PARP12: variants seen among roughly 807,000 people sequenced by gnomAD.
PARP12 encodes poly(ADP-ribose) polymerase family member 12.
Under a neutral mutation model 72.4 loss-of-function variants are expected in PARP12, and 59 were observed. That is an observed-to-expected ratio of 0.81 (90% confidence interval 0.66 to 1.01). PARP12 has a LOEUF of 1.01. Among genes scored for constraint, PARP12 ranks in the 50% least tolerant of loss-of-function variants. The probability of loss-of-function intolerance (pLI) is 0.00; values close to 1 mark genes in which losing one functional copy is unlikely to be tolerated. For synonymous variants in PARP12, 403 were observed against 371.4 expected, an observed-to-expected ratio of 1.09 and a Z score of -0.98; for missense variants, 851 against 914.0, an observed-to-expected ratio of 0.93 and a Z score of 0.89.
intron 9 of PARP12, among the ~76,000 whole-genome samples, chr7:140,027,819 G>A (rs1030650741): frequency 6.6e-6 from 1 of 152,086 alleles, no homozygotes; most frequent in South Asian, 2.1e-4. Context: ...AGCCACCATC[G>A]AGGGTATCCC....
chr7:140,047,128 A>C, intron 4 of PARP12, 121 bp from the exon 5 acceptor site: 1 of 1,208,258 alleles, frequency 8.3e-7, no homozygotes, highest in Non-Finnish European at 1.1e-6. Flanking sequence ...TGTGTGGTGG[A>C]GTCTGTTTTT....
intron 5 of PARP12, among the ~76,000 whole-genome samples, chr7:140,044,973 T>G (rs917115932): frequency 6.6e-6 from 1 of 152,052 alleles, no homozygotes; most frequent in Admixed American, 6.6e-5. Flanking sequence ...CAATACGAAT[T>G]TCTAACCTCT....
chr7:140,031,541 C>A (rs1197936120), intron 8 of PARP12, among the ~76,000 whole-genome samples: 2 of 152,200 alleles, frequency 1.3e-5, no homozygotes, highest in African/African-American at 2.4e-5. Context: ...CAGGCCCAGG[C>A]AGACTTGCTT....
intron 7 of PARP12, 25 bp downstream of exon 7, chr7:140,037,681 AGGCTCTGCT>A: frequency 6.2e-7 from 1 of 1,608,366 alleles, no homozygotes; most frequent in Non-Finnish European, 8.5e-7. Flanking sequence ...CAACACAGGC[AGGCTCTGCT>A]GGGCGAGGGC....
At chr7:140,027,024 A>C (rs765329232) in intron 10 of PARP12, among the ~76,000 whole-genome samples, 9 of 152,172 alleles carry the variant, frequency 5.9e-5, no homozygotes, top group Non-Finnish European at 1.0e-4. Context: ...TGAGAGTGCT[A>C]GCTTTGCCAC....
chr7:140,052,140 T>A (rs1816990021), intron 4 of PARP12, among the ~76,000 whole-genome samples: 2 of 152,352 alleles, frequency 1.3e-5, no homozygotes, highest in Admixed American at 6.5e-5. Flanking sequence ...TACCACTTGT[T>A]TAAAATTTCC....
At chr7:140,053,169 A>G (rs931671372) in intron 4 of PARP12, among the ~76,000 whole-genome samples, 1 of 152,230 alleles carries the variant, frequency 6.6e-6, no homozygotes, top group Non-Finnish European at 1.5e-5. Flanking sequence ...TGTATTTGTA[A>G]AAGCCAAAAA....
intron 4 of PARP12, among the ~76,000 whole-genome samples, chr7:140,052,897 C>T (rs1346406781): frequency 6.6e-6 from 1 of 152,014 alleles, no homozygotes; most frequent in East Asian, 1.9e-4. Flanking sequence ...CAAATTAAAA[C>T]CACGAGACAT....
chr7:140,054,079 TTCAG>T (rs1194473686), intron 4 of PARP12, among the ~76,000 whole-genome samples: 1 of 152,174 alleles, frequency 6.6e-6, no homozygotes, highest in African/African-American at 2.4e-5. Context: ...CAAACCTTTC[TTCAG>T]TCAAAGCCCA....
At chr7:140,029,897 G>C (rs1378563226) in intron 8 of PARP12, among the ~76,000 whole-genome samples, 1 of 152,192 alleles carries the variant, frequency 6.6e-6, no homozygotes, top group Non-Finnish European at 1.5e-5. Context: ...GAAAGAAGTT[G>C]AGACATGGAG....
intron 3 of PARP12, 148 bp downstream of exon 3, chr7:140,056,707 GA>G (rs1327097060): frequency 2.5e-6 from 2 of 788,474 alleles, no homozygotes; most frequent in African/African-American, 3.5e-5. Flanking sequence ...GCCTTGTTAG[GA>G]AAGCATCATC....
rs1816484433 is a variant in PARP12 at position 140,041,788 on chromosome 7, A to G, written c.1038T>C (p.Phe346=). The G allele has an allele frequency of 1.5e-5, 24 of 1,614,032 alleles. No individual in the cohort carries two copies. Among genetic ancestry groups the G allele is most frequent in the Non-Finnish European group, 1.9e-5 (23 of 1,180,008 alleles). Residue 346 remains phenylalanine, a synonymous_variant, in exon 6 of 12, where the codon TTT becomes TTC. Coordinates refer to ENST00000263549, the MANE Select transcript of PARP12 (RefSeq NM_022750.4). ...GGGTAGCACCGTAAGTCATGGCGTT[A>G]AAGTTCAGACAATGAGAGTGAAAGG... is the stretch of plus-strand genomic sequence containing the variant. ...ASTFHSHCLN[F]NAMTYGATQA...
At chr7:140,036,863 C>G (rs928018623) in intron 7 of PARP12, among the ~76,000 whole-genome samples, 2 of 152,112 alleles carry the variant, frequency 1.3e-5, no homozygotes, top group African/African-American at 2.4e-5. Context: ...CTTGGAGGAA[C>G]TGGCCAAAGG....
In PARP12 at chr7:140,026,266, C is replaced by G. The variant is rs757936104; in HGVS notation, c.1711G>C (p.Val571Leu). 1.2e-6 allele frequency: 2 copies of G among 1,614,012 alleles called. No individual in the cohort carries two copies. Among genetic ancestry groups the G allele is most frequent in the South Asian group, 1.1e-5 (1 of 91,090 alleles). ...AAGTTCTGCTGGCAGATGGCGTCCA[C>G]AAAAATGGCGCTGGTGCCGTGGAAC... is the stretch of plus-strand genomic sequence containing the variant. ...QLFHGTSAIF[V>L]DAICQQNFDW... The change falls in exon 11 of 12, where the codon GTG (valine) becomes CTG (leucine). Residue 571 changes from valine to leucine, a missense_variant. Physicochemically the swap from Val to Leu is conservative, Grantham distance 32 (BLOSUM62 1). Around this residue, in one of 3 missense-constraint regions of PARP12, gnomAD observed 347 missense variants for 396.1 expected, o/e 0.88. Transcript: ENST00000263549.
At chr7:140,052,361 T>C (rs1391821150) in intron 4 of PARP12, among the ~76,000 whole-genome samples, 8 of 152,260 alleles carry the variant, frequency 5.3e-5, no homozygotes, top group African/African-American at 1.9e-4. Context: ...TTCTCACAAA[T>C]TGATGTGCAT....
At chr7:140,058,383 C>T (rs1490855532) in intron 1 of PARP12, among the ~76,000 whole-genome samples, 1 of 151,778 alleles carries the variant, frequency 6.6e-6, no homozygotes, top group East Asian at 1.9e-4. Flanking sequence ...TGGTGGTGAG[C>T]GCATGTAGTC....
chr7:140,024,648 T>C lies in PARP12; in HGVS notation c.2018A>G (p.Tyr673Cys). The C allele has an allele frequency of 1.2e-6, 2 of 1,614,054 alleles. No homozygotes were observed. The highest frequency in any genetic ancestry group is 1.3e-5 in the African/African-American group (1 of 74,978). Reference protein sequence around the residue: ...IFEKHQVYPEYVIQYTTSSKP... With the variant: ...IFEKHQVYPECVIQYTTSSKP... ...GGAGGAGGTGGTGTACTGGATGACA[T>C]ACTCTGGGTAGACCTGGTGTTTCTC... The change falls in exon 12 of 12, where the codon TAT becomes TGT. Residue 673 changes from tyrosine to cysteine, a missense_variant. Tyr to Cys is a radical substitution (Grantham distance 194). Around this residue, in one of 3 missense-constraint regions of PARP12, gnomAD observed 347 missense variants for 396.1 expected, o/e 0.88. Transcript: ENST00000263549.
At chr7:140,046,846 C>A in intron 5 of PARP12, 38 bp downstream of exon 5, 4 of 1,571,780 alleles carry the variant, frequency 2.5e-6, no homozygotes, top group East Asian at 2.3e-5. Flanking sequence ...CACACAGAAG[C>A]CCAGGCACAA....
intron 8 of PARP12, among the ~76,000 whole-genome samples, chr7:140,030,617 G>C (rs995218312): frequency 6.6e-6 from 1 of 152,080 alleles, no homozygotes; most frequent in Admixed American, 6.6e-5. Flanking sequence ...ATACATACAT[G>C]CATACATACA....
Sources: allele counts gnomAD v4.1 joint callset (sites outside exome capture counted in the v4.1 genomes callset), GRCh38; gene constraint gnomAD v4.1.1; regional missense constraint gnomAD v4.1.1; transcripts MANE v1.5; gene names NCBI Gene and HGNC (gene_info 2026-07-23, HGNC 2026-07-21).